PCDHA6: variants seen among roughly 807,000 people sequenced by gnomAD.
PCDHA6 encodes protocadherin alpha-6.
PCDHA6 carries 55 observed loss-of-function variants against 60.3 expected under a neutral mutation model. The observed-to-expected ratio is 0.91, with a 90% CI of 0.73 to 1.14. The LOEUF is 1.14. Ranked by LOEUF, PCDHA6 falls within the 50% of genes most tolerant of loss-of-function variation. The pLI, the probability that PCDHA6 is intolerant of heterozygous loss-of-function variation, is 0.00. For missense variants in PCDHA6, 1,327 were observed against 1,256.5 expected (o/e 1.06, Z -0.85); for synonymous variants, 652 against 557.9 (o/e 1.17, Z -2.38).
At chr5:140,934,430 G>A (rs1249557283) in intron 1 of PCDHA6, among the ~76,000 whole-genome samples, 1 of 152,108 alleles carries the variant, frequency 6.6e-6, no homozygotes, top group Non-Finnish European at 1.5e-5. Context: ...CAATGCAAGT[G>A]TAAATATAGT....
At chr5:140,919,175 T>C (rs1282672890) in intron 1 of PCDHA6, among the ~76,000 whole-genome samples, 1 of 152,248 alleles carries the variant, frequency 6.6e-6, no homozygotes, top group Non-Finnish European at 1.5e-5. Context: ...AGTTGCTATA[T>C]CTTCCTGATT....
chr5:140,972,235 G>A (rs1368131761), intron 1 of PCDHA6, among the ~76,000 whole-genome samples: 2 of 151,838 alleles, frequency 1.3e-5, no homozygotes, highest in African/African-American at 4.8e-5. Context: ...GACCTTCTGG[G>A]CTCAAGCAAT....
chr5:140,856,780 G>C (rs1015178435), intron 1 of PCDHA6: 1 of 1,596,106 alleles, frequency 6.3e-7, no homozygotes, highest in Non-Finnish European at 8.6e-7. Flanking sequence ...TTGACAGACC[G>C]GTTTATGAAG....
chr5:140,928,672 GC>G (rs1466783332), intron 1 of PCDHA6: 1 of 1,614,058 alleles, frequency 6.2e-7, no homozygotes, highest in East Asian at 2.2e-5. Flanking sequence ...TGGTTCTAAT[GC>G]CTGGCTTTCC....
chr5:140,923,570 C>T (rs1554201533), intron 1 of PCDHA6, among the ~76,000 whole-genome samples: 2 of 152,136 alleles, frequency 1.3e-5, no homozygotes, highest in African/African-American at 4.8e-5. Context: ...AAAGGTCCTG[C>T]TAAAGAGAAG....
chr5:140,877,730 A>G (rs782465464), intron 1 of PCDHA6: 1 of 1,614,146 alleles, frequency 6.2e-7, no homozygotes, highest in Non-Finnish European at 8.5e-7. Flanking sequence ...TACTCGCAGC[A>G]GAGGAGGCAG....
intron 1 of PCDHA6, chr5:140,857,669 G>T (rs926570494): frequency 5.0e-6 from 8 of 1,596,800 alleles, no homozygotes; most frequent in East Asian, 2.2e-5. Flanking sequence ...CGATGGGGGC[G>T]TGCCGCCTCT....
chr5:140,870,318 G>A (rs372041974), intron 1 of PCDHA6: 11 of 1,614,060 alleles, frequency 6.8e-6, no homozygotes, highest in African/African-American at 4.0e-5. Flanking sequence ...ATTACTACTC[G>A]TTGGTGCTGG....
chr5:140,957,145 T>A (rs1554222837), intron 1 of PCDHA6, among the ~76,000 whole-genome samples: 1 of 152,156 alleles, frequency 6.6e-6, no homozygotes, highest in Non-Finnish European at 1.5e-5. Context: ...GAACTAAAAA[T>A]TTTGGAGACA....
At chr5:140,923,826 T>C (rs2081533545) in intron 1 of PCDHA6, among the ~76,000 whole-genome samples, 1 of 152,218 alleles carries the variant, frequency 6.6e-6, no homozygotes, top group African/African-American at 2.4e-5. Context: ...TAGACGTCAG[T>C]GGCAGTTTAA....
intron 3 of PCDHA6, among the ~76,000 whole-genome samples, chr5:141,001,278 C>A (rs182360019): frequency 6.6e-6 from 1 of 152,050 alleles, no homozygotes; most frequent in Non-Finnish European, 1.5e-5. Flanking sequence ...ACTTTTTTTA[C>A]GGATGAAAAC....
At chr5:140,914,228 C>T (rs2076644066) in intron 1 of PCDHA6, among the ~76,000 whole-genome samples, 1 of 152,084 alleles carries the variant, frequency 6.6e-6, no homozygotes, top group Admixed American at 6.6e-5. Flanking sequence ...AGCTCTAATA[C>T]TATTTGCTTT....
At chr5:140,910,311 A>G (rs928675389) in intron 1 of PCDHA6, among the ~76,000 whole-genome samples, 4 of 152,224 alleles carry the variant, frequency 2.6e-5, no homozygotes, top group African/African-American at 9.6e-5. Context: ...AGAGATCTAC[A>G]TGAGTCAGAC....
At chr5:140,956,474 C>G (rs1585669580) in intron 1 of PCDHA6, among the ~76,000 whole-genome samples, 1 of 152,160 alleles carries the variant, frequency 6.6e-6, no homozygotes, top group East Asian at 1.9e-4. Flanking sequence ...ATATGTTGAA[C>G]CAGTCTTGCA....
At chr5:140,848,285 C>T in intron 1 of PCDHA6, 1 of 617,022 alleles carries the variant, frequency 1.6e-6, no homozygotes. Flanking sequence ...TGTACTTACA[C>T]TTTGGGCCAC....
chr5:141,003,511 C>T (rs2098128112), intron 3 of PCDHA6, among the ~76,000 whole-genome samples: 2 of 152,114 alleles, frequency 1.3e-5, no homozygotes, highest in African/African-American at 4.8e-5. Flanking sequence ...TGGGGTTTCA[C>T]CATGTTCCCT....
At chr5:140,928,592 T>A in intron 1 of PCDHA6, 1 of 1,614,178 alleles carries the variant, frequency 6.2e-7, no homozygotes, top group Non-Finnish European at 8.5e-7. Flanking sequence ...TCTGTCCCAG[T>A]GGAAATTGTG....
rs201868516 is a variant in PCDHA6 at position 140,843,396 on chromosome 5, C to A, written c.2394+12911C>A. 27 of 1,595,918 alleles carry A rather than the reference C, an allele frequency of 1.7e-5. 6 individuals carry two copies. Among genetic ancestry groups the A allele is most frequent in the Non-Finnish European group, 2.3e-5 (27 of 1,165,594 alleles). ...GCTGGCGTTTTGGGTCCGGAAGCGGCGCTGGTGGATGTCAACGTGTACCTG... is the reference window on the plus strand; with the variant it reads ...GCTGGCGTTTTGGGTCCGGAAGCGGAGCTGGTGGATGTCAACGTGTACCTG... On this transcript the variant is annotated intron_variant, in intron 1 of 3. Coordinates refer to ENST00000529310, the MANE Select transcript of PCDHA6 (RefSeq NM_018909.4).
At chr5:140,968,634 A>T (rs782166097) in intron 1 of PCDHA6, 7 of 1,614,176 alleles carry the variant, frequency 4.3e-6, no homozygotes, top group Non-Finnish European at 5.9e-6. Flanking sequence ...CTTTTTTACC[A>T]TCTAGCCCAG....
Sources: allele counts gnomAD v4.1 joint callset (sites outside exome capture counted in the v4.1 genomes callset), GRCh38; gene constraint gnomAD v4.1.1; transcripts MANE v1.5; gene names NCBI Gene and HGNC (gene_info 2026-07-23, HGNC 2026-07-21).